Variants in NINL observed in about 807,000 individuals in gnomAD.
NINL encodes ninein like.
NINL carries 153 observed loss-of-function variants against 160.3 expected under a neutral mutation model. The observed-to-expected ratio is 0.95, with a 90% CI of 0.84 to 1.09. The LOEUF is 1.09. Among genes scored for constraint, NINL ranks in the 50% least tolerant of loss-of-function variants. The probability of loss-of-function intolerance (pLI) is 0.00; values close to 1 mark genes in which losing one functional copy is unlikely to be tolerated. For synonymous variants in NINL, 800 were observed against 734.8 expected, an observed-to-expected ratio of 1.09 and a Z score of -1.43; for missense variants, 1,829 against 1,764.0, an observed-to-expected ratio of 1.04 and a Z score of -0.66.
chr20:25,488,714 A>G (rs1278382628), intron 13 of NINL, among the ~76,000 whole-genome samples: 1 of 152,082 alleles, frequency 6.6e-6, no homozygotes, highest in Admixed American at 6.6e-5. Context: ...GAAAACAGCT[A>G]TGTTCCCCAA....
At chr20:25,473,567 T>C (rs1335419283) in intron 17 of NINL, among the ~76,000 whole-genome samples, 1 of 151,638 alleles carries the variant, frequency 6.6e-6, no homozygotes, top group Non-Finnish European at 1.5e-5. Flanking sequence ...AGGCCTTATG[T>C]AATCCCAGCA....
Position 25,496,677 on chromosome 20 carries a change from C to G in NINL, c.1296G>C (p.Thr432=). The change falls in exon 10 of 24, where the codon ACG becomes ACC. Residue 432 remains threonine, a synonymous_variant. Transcript: ENST00000278886. ...DDCHSTLEQL[T]EKKIKHLEQG... Reference sequence around the variant, plus strand: ...CCAGAACCCACTTGATTTTCTTCTCCGTGAGCTGCTCCAGGGTGGAGTGGC... The same window carrying G: ...CCAGAACCCACTTGATTTTCTTCTCGGTGAGCTGCTCCAGGGTGGAGTGGC... The G allele has an allele frequency of 6.2e-7, 1 of 1,614,060 alleles. No individual in the cohort carries two copies. Among genetic ancestry groups the G allele is most frequent in the South Asian group, 1.1e-5 (1 of 91,078 alleles).
intron 17 of NINL, among the ~76,000 whole-genome samples, chr20:25,475,782 C>A (rs572241977): frequency 6.6e-6 from 1 of 152,316 alleles, no homozygotes; most frequent in Admixed American, 6.5e-5. Flanking sequence ...ATATCTTGAA[C>A]CCGGAAGGTG....
intron 5 of NINL, among the ~76,000 whole-genome samples, chr20:25,505,893 G>C (rs1442840434): frequency 6.6e-6 from 1 of 152,196 alleles, no homozygotes; most frequent in East Asian, 1.9e-4. Flanking sequence ...AATAAATCTT[G>C]GGGGAAAATA....
At chr20:25,572,949 T>C (rs1396999017) in intron 1 of NINL, among the ~76,000 whole-genome samples, 1 of 152,208 alleles carries the variant, frequency 6.6e-6, no homozygotes, top group Admixed American at 6.5e-5. Flanking sequence ...TGAGACACTT[T>C]CTCTTCCCCA....
intron 1 of NINL, among the ~76,000 whole-genome samples, chr20:25,544,171 G>A (rs570002466): frequency 6.9e-6 from 1 of 145,712 alleles, no homozygotes; most frequent in South Asian, 2.1e-4. Flanking sequence ...TCTCACTTCT[G>A]TTCACTGCCC....
At chr20:25,486,892 A>C (rs902449286) in intron 13 of NINL, among the ~76,000 whole-genome samples, 3 of 152,246 alleles carry the variant, frequency 2.0e-5, no homozygotes, top group African/African-American at 7.2e-5. Flanking sequence ...GCAGCCCATG[A>C]ATTACCAGCT....
At chr20:25,552,920 A>G (rs1384631164) in intron 1 of NINL, among the ~76,000 whole-genome samples, 1 of 152,194 alleles carries the variant, frequency 6.6e-6, no homozygotes, top group East Asian at 1.9e-4. Context: ...TCTGGCTAGA[A>G]TCAAAGAAAG....
In NINL at chr20:25,476,586, G is replaced by A; in HGVS notation, c.2705C>T (p.Pro902Leu). 1 of 1,599,068 alleles carries A rather than the reference G, an allele frequency of 6.3e-7. No individual in the cohort carries two copies. Among genetic ancestry groups the A allele is most frequent in the Non-Finnish European group, 8.5e-7 (1 of 1,179,604 alleles). ...CTGCATGCGTGACCACCTCTCTGAGGGGCCGTGGGATGCCGGGGCAGGGGC... is the reference window on the plus strand; with the variant it reads ...CTGCATGCGTGACCACCTCTCTGAGAGGCCGTGGGATGCCGGGGCAGGGGC... ...APAPAPASHGPSERWSRMQPC... is the reference protein window; with the variant it reads ...APAPAPASHGLSERWSRMQPC... Residue 902 changes from proline to leucine, a missense_variant, in exon 17 of 24, where the codon CCC becomes CTC. Transcript: ENST00000278886.
intron 13 of NINL, among the ~76,000 whole-genome samples, chr20:25,486,868 T>C (rs1020792011): frequency 2.0e-4 from 31 of 152,210 alleles, no homozygotes; most frequent in African/African-American, 7.5e-4. Flanking sequence ...TTTATCTGGT[T>C]CTCTGGCTAT....
chr20:25,482,160 G>A (rs1439012809), intron 13 of NINL, 60 bp from the exon 14 acceptor site: 1 of 1,551,226 alleles, frequency 6.4e-7, no homozygotes, highest in African/African-American at 1.4e-5. Flanking sequence ...CCAGCGAGCT[G>A]GCCGAGCTGG....
chr20:25,570,189 C>T (rs2147166945), intron 1 of NINL, among the ~76,000 whole-genome samples: 1 of 152,168 alleles, frequency 6.6e-6, no homozygotes, highest in South Asian at 2.1e-4. Context: ...CAAAACAAAA[C>T]AAAAGCTAGA....
At chr20:25,493,010 G>A (rs981649929) in intron 10 of NINL, among the ~76,000 whole-genome samples, 3 of 152,126 alleles carry the variant, frequency 2.0e-5, no homozygotes, top group African/African-American at 4.8e-5. Context: ...TCAGGGCCAC[G>A]TGGGTTCTGA....
chr20:25,481,743 C>G, intron 14 of NINL: 1 of 624,380 alleles, frequency 1.6e-6, no homozygotes, highest in Non-Finnish European at 2.7e-6. Flanking sequence ...GGGCTGCCCA[C>G]CTTCAGCGTC....
chr20:25,478,836 T>C, intron 16 of NINL, 87 bp downstream of exon 16: 1 of 1,449,474 alleles, frequency 6.9e-7, no homozygotes, highest in South Asian at 1.4e-5. Flanking sequence ...GGCACAGCAA[T>C]TCTGAGTTGT....
chr20:25,532,615 TCCTCTC>T (rs1424625372), intron 1 of NINL, among the ~76,000 whole-genome samples: 1 of 152,146 alleles, frequency 6.6e-6, no homozygotes, highest in Non-Finnish European at 1.5e-5. Context: ...TCCTCTCCTC[TCCTCTC>T]CCTAACTCCT....
Position 25,476,829 on chromosome 20 carries a change from G to C in NINL, c.2462C>G (p.Ser821Cys). The C allele has an allele frequency of 6.2e-7, 1 of 1,613,296 alleles. No individual in the cohort carries two copies. Among genetic ancestry groups the C allele is most frequent in the Non-Finnish European group, 8.5e-7 (1 of 1,179,940 alleles). Residue 821 changes from serine to cysteine, a missense_variant, in exon 17 of 24, where the codon TCC (serine) becomes TGC (cysteine). By Grantham distance (112) the Ser-to-Cys change is moderately radical. Transcript: ENST00000278886. The part of the protein sequence containing the change: ...LARGKRVDGP[S>C]LEAEMQALPK... ...CAGGGCCTGCATCTCTGCTTCCAGG[G>C]AGGGCCCGTCCACTCGCTTCCCGCG...
chr20:25,504,178 C>T, intron 6 of NINL, 74 bp from the exon 7 acceptor site: 2 of 1,464,440 alleles, frequency 1.4e-6, no homozygotes, highest in African/African-American at 2.8e-5. Context: ...GGCCTCCCTC[C>T]CTCCCTCCCT....
intron 20 of NINL, 146 bp downstream of exon 20, chr20:25,462,237 C>G (rs908345665): frequency 2.5e-5 from 17 of 683,050 alleles, no homozygotes; most frequent in African/African-American, 3.7e-5. Context: ...CAACACAGCA[C>G]AGTCCACCTA....
Sources: allele counts gnomAD v4.1 joint callset (sites outside exome capture counted in the v4.1 genomes callset), GRCh38; gene constraint gnomAD v4.1.1; transcripts MANE v1.5; gene names NCBI Gene and HGNC (gene_info 2026-07-23, HGNC 2026-07-21).